The following RASAL1 variants were observed in gnomAD, a reference collection of about 807,000 sequenced individuals.
RASAL1 encodes rasGAP-activating-like protein 1.
A neutral mutation model predicts 96.6 loss-of-function variants in RASAL1; 72 were observed. That is an observed-to-expected ratio of 0.75 (90% confidence interval 0.62 to 0.91). The LOEUF (loss-of-function observed/expected upper bound fraction) is 0.91. Among genes scored for constraint, RASAL1 ranks in the 40% least tolerant of loss-of-function variants. RASAL1 has a pLI of 0.00. For missense variants in RASAL1, 1,016 were observed against 1,072.5 expected, an observed-to-expected ratio of 0.95 and a Z score of 0.74; for synonymous variants, 405 against 430.4, an observed-to-expected ratio of 0.94 and a Z score of 0.73.
intron 15 of RASAL1, among the ~76,000 whole-genome samples, chr12:113,106,526 T>A (rs1950652575): frequency 1.3e-5 from 2 of 152,212 alleles, no homozygotes; most frequent in South Asian, 4.1e-4. Context: ...TTCACGGGTG[T>A]CCTCAGTGCT....
At chr12:113,114,335 A>G (rs1284876) in intron 12 of RASAL1, among the ~76,000 whole-genome samples, 117,123 of 151,658 alleles carry the variant, frequency 0.77, 45,298 homozygotes, top group Admixed American at 0.83. Flanking sequence ...TTAGCTGGGC[A>G]TGGTGGTGTG....
intron 18 of RASAL1, among the ~76,000 whole-genome samples, chr12:113,102,339 C>T (rs1950478751): frequency 6.6e-6 from 1 of 152,208 alleles, no homozygotes; most frequent in Non-Finnish European, 1.5e-5. Context: ...GGGTGGATCA[C>T]CTGAGGTCAG....
chr12:113,128,512 C>CAG lies in RASAL1; in HGVS notation c.123-336_123-335dup, dbSNP rs1555247563. 4.9e-4 allele frequency among the ~76,000 whole-genome samples: 74 copies of CAG among 151,446 alleles called. 1 individual carries two copies. The South Asian group carries it at 5.4e-3, about 11-fold the overall frequency. ...CTCAACACACACACACACACACACA[C>CAG]AGAGGCACATACACAAAACACACAC... On this transcript the variant is annotated intron_variant, in intron 2 of 20. Transcript: ENST00000548055.
At chr12:113,110,024 T>C (rs1950811508) in intron 13 of RASAL1, among the ~76,000 whole-genome samples, 1 of 152,200 alleles carries the variant, frequency 6.6e-6, no homozygotes, top group African/African-American at 2.4e-5. Context: ...GTCACTGATA[T>C]TGGCTCACCA....
At chr12:113,114,695 G>A (rs1951009420) in intron 12 of RASAL1, 105 bp downstream of exon 12, 4 of 916,856 alleles carry the variant, frequency 4.4e-6, no homozygotes, top group South Asian at 2.8e-5. Context: ...CTGAGCAGCT[G>A]TAGCCCCAGG....
At position 113,115,416 on chromosome 12, in the gene RASAL1, G is replaced by A; in HGVS notation, c.1004-152C>T. 1.0e-6 allele frequency: 1 copy of A among 971,872 alleles called. No homozygotes were observed. The allele number at this position is 971,872 out of a possible 1,614,324, so 60.2% of individuals were successfully genotyped here. Reference sequence around the variant, plus strand: ...ATTCACAGTACAGAGGCCCGGAGTGGTTAAGTGAATTGCCTGAGGTCACAC... The same window carrying A: ...ATTCACAGTACAGAGGCCCGGAGTGATTAAGTGAATTGCCTGAGGTCACAC... On this transcript the variant is annotated intron_variant, in intron 10 of 20. Transcript: ENST00000548055. This position sits in a 1 kb window ranked among gnomAD's most constrained non-coding sequence, Gnocchi z 4.1.
intron 1 of RASAL1, among the ~76,000 whole-genome samples, chr12:113,132,651 C>T (rs1307763361): frequency 1.3e-5 from 2 of 152,202 alleles, no homozygotes; most frequent in African/African-American, 4.8e-5. Flanking sequence ...GAAAGAGGGA[C>T]ATTGGCGCTA....
rs772081449 is a variant in RASAL1 at position 113,099,979 on chromosome 12, A to T, written c.2368T>A (p.Phe790Ile). ...LADLDRAHEE[F>I]QQQERGKAAL... Reference sequence around the variant, plus strand: ...GCCTTCCCTCGCTCCTGCTGCTGGAACTCCTCGTGGGCACGATCCAGGTCT... The same window carrying T: ...GCCTTCCCTCGCTCCTGCTGCTGGATCTCCTCGTGGGCACGATCCAGGTCT... Residue 790 changes from phenylalanine to isoleucine, a missense_variant, in exon 21 of 21, where the codon TTC becomes ATC. Phe to Ile is a conservative substitution (Grantham distance 21). Transcript: ENST00000548055. The T allele has an allele frequency of 3.1e-6, 5 of 1,611,270 alleles. No individual in the cohort carries two copies. In the East Asian group the frequency reaches 1.1e-4, roughly 36 times the overall value.
chr12:113,135,767 G>A, upstream of RASAL1: 1 of 287,910 alleles, frequency 3.5e-6, no homozygotes, highest in Non-Finnish European at 6.6e-6. The surrounding 1 kb of genome is among the most constrained non-coding windows in gnomAD (Gnocchi z 5.7). Context: ...TGGGCGGGCA[G>A]GGGGCGGGAG....
chr12:113,108,273 C>G (rs1367846632), intron 13 of RASAL1, 51 bp from the exon 14 acceptor site: 29 of 1,548,610 alleles, frequency 1.9e-5, no homozygotes, highest in Non-Finnish European at 2.3e-5. Flanking sequence ...CACTTCTCAG[C>G]TGCGTAAACT....
At chr12:113,105,642 CT>C (rs966723281) in intron 16 of RASAL1, 71 bp downstream of exon 16, 4 of 1,464,718 alleles carry the variant, frequency 2.7e-6, no homozygotes, top group Non-Finnish European at 1.8e-6. Flanking sequence ...CAGTTTCCCC[CT>C]GGGTACAAAG....
chr12:113,112,035 C>T (rs1950880461), intron 13 of RASAL1, 51 bp downstream of exon 13: 4 of 1,227,830 alleles, frequency 3.3e-6, no homozygotes, highest in Non-Finnish European at 4.1e-6. Context: ...TCCGAGTGAC[C>T]CCGGACAAGC....
At position 113,114,542 on chromosome 12, in the gene RASAL1, G is replaced by A. The variant is rs569985625; in HGVS notation, c.1181+258C>T. Among the ~76,000 whole-genome samples the A allele has an allele frequency of 6.6e-5, 10 of 152,160 alleles. No individual in the cohort carries two copies. In the South Asian group the frequency reaches 1.5e-3, roughly 22 times the overall value. On this transcript the variant is annotated intron_variant, in intron 12 of 20. Transcript: ENST00000548055. ...TTAACCACTGAGGAACAGAAGTTTT[G>A]GCAACTTTGTCCACCAGTAGTGGCA...
At chr12:113,116,865 T>A (rs1480260648) in intron 8 of RASAL1, among the ~76,000 whole-genome samples, 2 of 152,246 alleles carry the variant, frequency 1.3e-5, no homozygotes. Flanking sequence ...CCAACATGTT[T>A]GCACATGAAC....
rs1951868531 is a variant in RASAL1 at position 113,135,209 on chromosome 12, C to A, written c.65+189G>T. ...CGGGGCATCTGCTAACTCTAGGCGC[C>A]CCCCTCCCACCGGGACAGCCATGGG... On this transcript the variant is annotated intron_variant, in intron 1 of 20. Transcript: ENST00000548055. The surrounding 1 kb of genome is among the most constrained non-coding windows in gnomAD (Gnocchi z 5.7). 6.6e-6 allele frequency among the ~76,000 whole-genome samples: 1 copy of A among 152,064 alleles called. No individual in the cohort carries two copies. Among genetic ancestry groups the A allele is most frequent in the African/African-American group, 2.4e-5 (1 of 41,404 alleles).
At chr12:113,124,209 C>A (rs138820670) in intron 4 of RASAL1, among the ~76,000 whole-genome samples, 1,834 of 111,580 alleles carry the variant, frequency 0.016, 32 homozygotes, top group South Asian at 0.094. Context: ...TAGAGCGAGA[C>A]TCTGTCTCAA....
At chr12:113,133,250 C>T (rs1566076397) in intron 1 of RASAL1, among the ~76,000 whole-genome samples, 1 of 152,224 alleles carries the variant, frequency 6.6e-6, no homozygotes, top group African/African-American at 2.4e-5. Context: ...TGGCTGCTTC[C>T]AGACCCCTGA....
rs757817797 is a variant in RASAL1 at position 113,108,144 on chromosome 12, C to T, written c.1453G>A (p.Asp485Asn). ...APAILTPKLF[D>N]LRDQHADPQT... is the part of the protein sequence containing the mutation. ...GGGTCCGCGTGTTGGTCCCGAAGGT[C>T]AAACAGCTTTGGGGTAAGGATGGCA... The change falls in exon 14 of 21, where the codon GAC becomes AAC. Residue 485 changes from aspartate (D) to asparagine (N), a missense_variant. Physicochemically the swap from Asp to Asn is conservative, Grantham distance 23 (BLOSUM62 1). Transcript: ENST00000548055. The T allele has an allele frequency of 1.1e-4, 172 of 1,613,700 alleles. 1 individual carries two copies. Among genetic ancestry groups the T allele is most frequent in the Non-Finnish European group, 1.3e-4 (154 of 1,179,928 alleles).
rs1350464886 is a variant in RASAL1, at chr12:113,114,621, T to C, written c.1181+179A>G. On this transcript the variant is annotated intron_variant, in intron 12 of 20. Transcript: ENST00000548055. ...GCATCAGAGTCCTGACCATAACCCC[T>C]ATACTACACAGCCTGATGGTTTAAG... Among the ~76,000 whole-genome samples, 7 of 152,314 alleles carry C rather than the reference T, an allele frequency of 4.6e-5. No individual in the cohort carries two copies. The East Asian group carries it at 1.3e-3, about 29-fold the overall frequency.
Sources: gnomAD v4.1 joint callset for allele counts (sites outside exome capture counted in the v4.1 genomes callset) on GRCh38, gnomAD v4.1.1 for gene constraint, Gnocchi (gnomAD v3.1) non-coding constraint, MANE v1.5 for transcripts, NCBI Gene and HGNC (gene_info 2026-07-23, HGNC 2026-07-21) for gene names.